Variants in TBC1D5 observed in about 807,000 individuals in gnomAD.
The protein encoded by TBC1D5 is TBC1 domain family member 5.
Under a neutral mutation model 100.3 loss-of-function variants are expected in TBC1D5, and 75 were observed. The ratio of observed to expected loss-of-function variants is 0.75; its 90% CI spans 0.62 to 0.91. TBC1D5 has a LOEUF of 0.91. Among genes scored for constraint, TBC1D5 ranks in the 40% least tolerant of loss-of-function variants. The pLI is 0.00. For missense variants in TBC1D5, 910 were observed against 942.4 expected (o/e 0.97, Z 0.45); for synonymous variants, 323 against 325.6 (o/e 0.99, Z 0.09).
chr3:17,643,278 C>A, intron 1 of TBC1D5, among the ~76,000 whole-genome samples: 1 of 151,990 alleles, frequency 6.6e-6, no homozygotes, highest in East Asian at 1.9e-4. Context: ...AAGTGATGTG[C>A]CCTCTTTGGT....
At chr3:17,419,512 C>A (rs2094158797) in intron 4 of TBC1D5, among the ~76,000 whole-genome samples, 1 of 152,124 alleles carries the variant, frequency 6.6e-6, no homozygotes, top group South Asian at 2.1e-4. Flanking sequence ...CAAAAGAAAT[C>A]TAAAAGAATG....
chr3:17,676,638 T>C (rs1027695560), intron 1 of TBC1D5, among the ~76,000 whole-genome samples: 2 of 152,080 alleles, frequency 1.3e-5, no homozygotes, highest in African/African-American at 4.8e-5. Flanking sequence ...CTTCACAGAA[T>C]TGGAAAAAAC....
chr3:17,741,534 T>C (rs1429755647), upstream of TBC1D5, among the ~76,000 whole-genome samples: 1 of 152,254 alleles, frequency 6.6e-6, no homozygotes, highest in Non-Finnish European at 1.5e-5. Flanking sequence ...CCAGGCAACC[T>C]GGTCCAAACG....
At chr3:17,424,465 A>G (rs1411315253) in intron 4 of TBC1D5, among the ~76,000 whole-genome samples, 2 of 152,324 alleles carry the variant, frequency 1.3e-5, no homozygotes, top group South Asian at 2.1e-4. Flanking sequence ...TAATGGTTAA[A>G]TAAGGAACAG....
intron 14 of TBC1D5, among the ~76,000 whole-genome samples, chr3:17,301,131 T>C (rs761316319): frequency 1.3e-5 from 2 of 151,656 alleles, no homozygotes; most frequent in Non-Finnish European, 2.9e-5. Context: ...ATTAATGCAA[T>C]TTACAAGACA....
intron 1 of TBC1D5, among the ~76,000 whole-genome samples, chr3:17,710,474 GA>G (rs2074602344): frequency 6.6e-6 from 1 of 151,984 alleles, no homozygotes; most frequent in Non-Finnish European, 1.5e-5. Flanking sequence ...TGAAGCAGAA[GA>G]ATCACTTGAA....
intron 15 of TBC1D5, among the ~76,000 whole-genome samples, chr3:17,263,554 C>T (rs2078553720): frequency 6.6e-6 from 1 of 152,108 alleles, no homozygotes; most frequent in Admixed American, 6.5e-5. Context: ...TATCACTCAA[C>T]TCTTTTCTGT....
chr3:17,680,458 C>T (rs113713310), intron 1 of TBC1D5, among the ~76,000 whole-genome samples: 5,454 of 150,926 alleles, frequency 0.036, 548 homozygotes, highest in African/African-American at 0.13. Flanking sequence ...AACTCCTGGG[C>T]GCAAGTGATC....
Position 17,417,147 on chromosome 3 carries a change from G to T in TBC1D5, c.168-10621C>A, listed in dbSNP as rs534085715. Among the ~76,000 whole-genome samples, 100 of 152,134 alleles carry T rather than the reference G, an allele frequency of 6.6e-4. 1 individual carries two copies. Among genetic ancestry groups the T allele is most frequent in the African/African-American group, 2.3e-3 (97 of 41,516 alleles). On this transcript the variant is annotated intron_variant, in intron 4 of 21. Coordinates refer to ENST00000253692, the Ensembl canonical transcript of TBC1D5. ...AGATCTACGAAAGTTGAGCTATGCT[G>T]TTCAAGAGACCTTTAAGATTTTTTT...
At chr3:17,426,459 C>T (rs2094338110) in intron 4 of TBC1D5, among the ~76,000 whole-genome samples, 1 of 151,990 alleles carries the variant, frequency 6.6e-6, no homozygotes, top group African/African-American at 2.4e-5. Flanking sequence ...ACAGCACTGG[C>T]CTGCCAACTA....
At chr3:17,676,490 C>T (rs567787272) in intron 1 of TBC1D5, among the ~76,000 whole-genome samples, 62 of 152,034 alleles carry the variant, frequency 4.1e-4, no homozygotes, top group South Asian at 4.2e-4. Context: ...CACTGCTCAA[C>T]GAAATAAAAG....
intron 17 of TBC1D5, among the ~76,000 whole-genome samples, chr3:17,230,272 G>T (rs2075299924): frequency 6.6e-6 from 1 of 152,058 alleles, no homozygotes; most frequent in Admixed American, 6.6e-5. Context: ...TTTACACTGG[G>T]ACATTTTTGT....
At chr3:17,547,875 G>C (rs2096434052) in intron 2 of TBC1D5, among the ~76,000 whole-genome samples, 1 of 152,084 alleles carries the variant, frequency 6.6e-6, no homozygotes, top group Non-Finnish European at 1.5e-5. Flanking sequence ...AAGATGTAAG[G>C]AATTTGACTG....
intron 1 of TBC1D5, among the ~76,000 whole-genome samples, chr3:17,706,778 T>A (rs1320025121): frequency 1.3e-5 from 2 of 151,938 alleles, no homozygotes; most frequent in Non-Finnish European, 2.9e-5. Flanking sequence ...TATCTTTGTT[T>A]TATAATTAAG....
At chr3:17,668,915 TC>T (rs2067597392) in intron 1 of TBC1D5, among the ~76,000 whole-genome samples, 1 of 151,954 alleles carries the variant, frequency 6.6e-6, no homozygotes, top group Admixed American at 6.6e-5. Flanking sequence ...GAATCCCAGC[TC>T]CCCCATCTCC....
At chr3:17,480,807 C>A (rs1170317887) in intron 3 of TBC1D5, among the ~76,000 whole-genome samples, 2 of 152,234 alleles carry the variant, frequency 1.3e-5, no homozygotes, top group Non-Finnish European at 2.9e-5. Context: ...CCACTCAGGT[C>A]TCCCGAGAGC....
rs573095088 is a variant in TBC1D5, at chr3:17,702,447, T to C, written c.-101+36896A>G. ...GAATCCTGGCTTTATAGAACAGATA[T>C]AATAATGGGTAAAAGCTTAGAATGT... On this transcript the variant is annotated intron_variant, in intron 1 of 21. Coordinates refer to ENST00000253692, the Ensembl canonical transcript of TBC1D5. 204 of 152,116 alleles carry C rather than the reference T, an allele frequency of 1.3e-3. 2 individuals are homozygous for C. Among genetic ancestry groups the C allele is most frequent in the African/African-American group, 4.7e-3 (195 of 41,512 alleles). The allele number at this position is 152,116 out of a possible 1,614,324, so 9.4% of individuals were successfully genotyped here.
chr3:17,655,730 G>GA lies in TBC1D5; in HGVS notation c.-100-31818dup, dbSNP rs1479743652. ...CATTGGAACAAATATTCCAAAATCA[G>GA]AAAAAAAATCCGAATTCCAAAATAC... is the stretch of plus-strand genomic sequence containing the variant. On this transcript the variant is annotated intron_variant, in intron 1 of 21. Transcript: ENST00000253692. Among the ~76,000 whole-genome samples the GA allele has an allele frequency of 1.4e-4, 21 of 151,544 alleles. No homozygotes were observed. In the East Asian group the frequency reaches 2.1e-3, roughly 15 times the overall value.
At chr3:17,632,657 C>T (rs1302245201) in intron 1 of TBC1D5, among the ~76,000 whole-genome samples, 1 of 152,172 alleles carries the variant, frequency 6.6e-6, no homozygotes, top group Non-Finnish European at 1.5e-5. Context: ...GATGAGTCAG[C>T]AGACATCCAC....
Sources: allele counts gnomAD v4.1 joint callset (sites outside exome capture counted in the v4.1 genomes callset), GRCh38; gene constraint gnomAD v4.1.1; transcripts MANE v1.5; gene names NCBI Gene and HGNC (gene_info 2026-07-23, HGNC 2026-07-21).